The following RBBP5 variants were observed in gnomAD, a reference collection of about 807,000 sequenced individuals.
RBBP5 encodes the protein retinoblastoma-binding protein 5.
In RBBP5, 5 loss-of-function variants were observed where a neutral mutation model predicts 72.2. The ratio of observed to expected loss-of-function variants is 0.07; its 90% confidence interval spans 0.04 to 0.15. The LOEUF (loss-of-function observed/expected upper bound fraction) is 0.15, where lower values mean the gene tolerates loss of function less well. Among genes scored for constraint, RBBP5 ranks in the 10% least tolerant of loss-of-function variants. The pLI, the probability that RBBP5 is intolerant of heterozygous loss-of-function variation, is 1.00. For synonymous variants in RBBP5, 209 were observed against 237.2 expected, an observed-to-expected ratio of 0.88 and a Z score of 1.09; for missense variants, 322 against 652.2, an observed-to-expected ratio of 0.49 and a Z score of 5.51.
Position 205,086,681 on chromosome 1 carries a change from A to G in RBBP5, c.*2106T>C, listed in dbSNP as rs1272766249. On this transcript the variant is annotated 3_prime_UTR_variant, in exon 14 of 14. Coordinates refer to ENST00000264515, the MANE Select transcript of RBBP5 (RefSeq NM_005057.4). ...TTTAAAAGTTGAAAAAAAAATTCCA[A>G]AAACATAAATAATTATTAGGAGCTA... The G allele has an allele frequency of 1.3e-5, 2 of 152,256 alleles. No homozygotes were observed. The highest frequency in any genetic ancestry group is 3.8e-4 in the East Asian group (2 of 5,204). 9.4% of individuals were successfully genotyped at this position (152,256 alleles called of 1,614,324 possible).
chr1:205,119,307 A>T (rs1656647354), intron 1 of RBBP5, among the ~76,000 whole-genome samples: 1 of 152,172 alleles, frequency 6.6e-6, no homozygotes, highest in South Asian at 2.1e-4. Flanking sequence ...GAAGTAGGAG[A>T]ATCGGTTGAA....
At chr1:205,110,196 T>C (rs1656258730) in intron 3 of RBBP5, among the ~76,000 whole-genome samples, 1 of 152,048 alleles carries the variant, frequency 6.6e-6, no homozygotes, top group Non-Finnish European at 1.5e-5. Context: ...ATTTTTGTAT[T>C]TTTAGTAGAG....
intron 1 of RBBP5, among the ~76,000 whole-genome samples, chr1:205,117,841 G>C (rs1656586026): frequency 6.6e-6 from 1 of 151,940 alleles, no homozygotes; most frequent in African/African-American, 2.4e-5. Context: ...TTGAGACAGA[G>C]TTCGCTCTTG....
intron 1 of RBBP5, among the ~76,000 whole-genome samples, chr1:205,119,110 T>C (rs1331395285): frequency 6.6e-6 from 1 of 152,186 alleles, no homozygotes; most frequent in Non-Finnish European, 1.5e-5. Flanking sequence ...TATTCCTTCC[T>C]GGCTGGGCAC....
At chr1:205,111,985 T>A (rs1014326578) in intron 3 of RBBP5, among the ~76,000 whole-genome samples, 1 of 152,028 alleles carries the variant, frequency 6.6e-6, no homozygotes, top group African/African-American at 2.4e-5. Context: ...CTGCTTGGAA[T>A]ATATCTGGCA....
intron 12 of RBBP5, 65 bp from the exon 13 acceptor site, chr1:205,095,129 T>C: frequency 1.4e-6 from 2 of 1,459,034 alleles, no homozygotes; most frequent in Non-Finnish European, 1.9e-6. Flanking sequence ...CAACCACAAC[T>C]TTGTTGAGCA....
chr1:205,089,301 CCA>C (rs1442575212), intron 13 of RBBP5, among the ~76,000 whole-genome samples: 1 of 152,114 alleles, frequency 6.6e-6, no homozygotes, highest in Non-Finnish European at 1.5e-5. Flanking sequence ...CCTTAGAATC[CCA>C]AATATGGTGA....
chr1:205,102,280 T>G (rs890065003), intron 5 of RBBP5, among the ~76,000 whole-genome samples: 2 of 152,154 alleles, frequency 1.3e-5, no homozygotes, highest in African/African-American at 4.8e-5. Context: ...ATAAGCCATA[T>G]AAACAAAAGT....
At chr1:205,106,832 G>T (rs531765522) in intron 3 of RBBP5, among the ~76,000 whole-genome samples, 1 of 152,048 alleles carries the variant, frequency 6.6e-6, no homozygotes, top group South Asian at 2.1e-4. Flanking sequence ...GAAACAGATG[G>T]GGAAAAAAGC....
chr1:205,105,546 T>C, intron 3 of RBBP5, among the ~76,000 whole-genome samples: 1 of 152,192 alleles, frequency 6.6e-6, no homozygotes, highest in East Asian at 1.9e-4. Flanking sequence ...AAAAAAATGA[T>C]AAGTATCTGT....
intron 3 of RBBP5, among the ~76,000 whole-genome samples, chr1:205,106,152 T>C (rs1444621102): frequency 6.6e-6 from 1 of 152,180 alleles, no homozygotes; most frequent in African/African-American, 2.4e-5. Flanking sequence ...AGAGACCTAG[T>C]GGAGAGCCTA....
rs527670689 is a variant in RBBP5 at position 205,087,113 on chromosome 1, C to T, written c.*1674G>A. ...AGTGAGACAAAGAGGCTCTTGCTGACGTGCTCTACTTTGATTTCTATCCTA... is the reference window on the plus strand; with the variant it reads ...AGTGAGACAAAGAGGCTCTTGCTGATGTGCTCTACTTTGATTTCTATCCTA... On this transcript the variant is annotated 3_prime_UTR_variant, in exon 14 of 14. Transcript: ENST00000264515. 1 of 152,080 alleles carries T rather than the reference C, an allele frequency of 6.6e-6. No homozygotes were observed. The highest frequency in any genetic ancestry group is 1.9e-4 in the East Asian group (1 of 5,180). The allele number at this position is 152,080 out of a possible 1,614,324, so 9.4% of individuals were successfully genotyped here. A position where few individuals can be genotyped will look rare whatever the true frequency, so the allele number is the denominator to read the frequency against.
chr1:205,100,484 A>T (rs1324055394), intron 6 of RBBP5, among the ~76,000 whole-genome samples: 1 of 152,182 alleles, frequency 6.6e-6, no homozygotes, highest in Non-Finnish European at 1.5e-5. Flanking sequence ...AAATATACAA[A>T]TTGTCAGCAT....
At chr1:205,106,995 A>C (rs950212285) in intron 3 of RBBP5, among the ~76,000 whole-genome samples, 1 of 152,034 alleles carries the variant, frequency 6.6e-6, no homozygotes, top group African/African-American at 2.4e-5. Flanking sequence ...TGGAAGATGG[A>C]ATAAAAATTA....
At chr1:205,114,677 A>C (rs1444559327) in intron 3 of RBBP5, 112 bp downstream of exon 3, 19 of 1,039,180 alleles carry the variant, frequency 1.8e-5, no homozygotes, top group Non-Finnish European at 2.6e-5. Context: ...CTGTATTACT[A>C]ATGGCTGAAT....
intron 3 of RBBP5, among the ~76,000 whole-genome samples, chr1:205,111,759 T>C (rs1014337977): frequency 3.3e-5 from 5 of 152,212 alleles, no homozygotes; most frequent in Non-Finnish European, 7.3e-5. Flanking sequence ...ATCATGTGAC[T>C]TTCCTGCCAA....
Position 205,100,034 on chromosome 1 carries a change from C to T in RBBP5, c.783G>A (p.Gly261=), listed in dbSNP as rs35995731. 3.4e-4 allele frequency: 545 copies of T among 1,614,054 alleles called. 2 individuals are homozygous for T. In the African/African-American group the frequency reaches 6.2e-3, roughly 18 times the overall value. The part of the protein sequence containing the change: ...RTPWKKCCFS[G]DGEYIVAGSA... ...AACCTGCCACGATGTATTCCCCATC[C>T]CCAGAGAAACAACATTTCTTCCATG... Residue 261 remains glycine, a synonymous_variant, in exon 8 of 14, where the codon GGG becomes GGA. Transcript: ENST00000264515.
chr1:205,119,299 A>C (rs531343661), intron 1 of RBBP5, among the ~76,000 whole-genome samples: 1 of 152,260 alleles, frequency 6.6e-6, no homozygotes, highest in African/African-American at 2.4e-5. Context: ...GGAGGGCTGA[A>C]GTAGGAGAAT....
intron 12 of RBBP5, among the ~76,000 whole-genome samples, chr1:205,096,200 T>G (rs1055546380): frequency 2.6e-5 from 4 of 150,992 alleles, no homozygotes; most frequent in African/African-American, 9.8e-5. Flanking sequence ...CTCAAAAAAA[T>G]AAAATAAAAT....
Sources: gnomAD v4.1 joint callset for allele counts (sites outside exome capture counted in the v4.1 genomes callset) on GRCh38, gnomAD v4.1.1 for gene constraint, MANE v1.5 for transcripts, NCBI Gene and HGNC (gene_info 2026-07-23, HGNC 2026-07-21) for gene names.